CNTLN: variants seen among roughly 807,000 people sequenced by gnomAD.
The protein encoded by CNTLN is centlein, centrosomal protein.
CNTLN carries 212 observed loss-of-function variants against 180.0 expected under a neutral mutation model. The observed-to-expected ratio is 1.18, with a 90% CI of 1.05 to 1.32. The LOEUF is 1.32. Ranked by LOEUF, CNTLN falls within the 40% of genes most tolerant of loss-of-function variation. CNTLN has a pLI of 0.00. For synonymous variants in CNTLN, 722 were observed against 563.1 expected, an observed-to-expected ratio of 1.28 and a Z score of -3.99; for missense variants, 2,095 against 1,610.9, an observed-to-expected ratio of 1.30 and a Z score of -5.14.
At chr9:17,259,403 C>G (rs1327200058) in intron 5 of CNTLN, among the ~76,000 whole-genome samples, 1 of 134,276 alleles carries the variant, frequency 7.4e-6, no homozygotes, top group African/African-American at 3.0e-5. Context: ...ATTTTTGCAT[C>G]AATGTTCATC....
At chr9:17,400,975 G>T (rs551692284) in intron 15 of CNTLN, among the ~76,000 whole-genome samples, 2 of 152,182 alleles carry the variant, frequency 1.3e-5, no homozygotes, top group East Asian at 3.9e-4. Context: ...TTTAATCTTG[G>T]AAATTTTTAT....
chr9:17,294,991 T>G (rs1457972900), intron 6 of CNTLN, among the ~76,000 whole-genome samples: 1 of 150,808 alleles, frequency 6.6e-6, no homozygotes, highest in African/African-American at 2.4e-5. Context: ...GGGAGGCAGC[T>G]AAGGCCCGGT....
intron 16 of CNTLN, among the ~76,000 whole-genome samples, chr9:17,413,642 GGC>G (rs1394492218): frequency 6.6e-6 from 1 of 152,052 alleles, no homozygotes; most frequent in African/African-American, 2.4e-5. Context: ...ATATACGGAT[GGC>G]AAATAAGCAC....
intron 3 of CNTLN, among the ~76,000 whole-genome samples, chr9:17,232,996 A>T (rs1178754797): frequency 2.0e-5 from 2 of 98,622 alleles, no homozygotes; most frequent in Non-Finnish European, 3.9e-5. Context: ...AATAGAACAG[A>T]AAAGTTAAAA....
intron 12 of CNTLN, among the ~76,000 whole-genome samples, chr9:17,357,598 A>G (rs1822953818): frequency 2.9e-5 from 2 of 70,144 alleles, no homozygotes; most frequent in South Asian, 6.8e-4. Flanking sequence ...ATATATAAAT[A>G]CTACATATAT....
chr9:17,333,249 CAT>C (rs1351306853), intron 10 of CNTLN, among the ~76,000 whole-genome samples: 5 of 152,170 alleles, frequency 3.3e-5, no homozygotes, highest in African/African-American at 1.2e-4. Context: ...GTTTAAGAAA[CAT>C]GTATGTTATC....
intron 18 of CNTLN, among the ~76,000 whole-genome samples, chr9:17,417,930 C>T (rs1828394943): frequency 6.6e-6 from 1 of 151,928 alleles, no homozygotes; most frequent in African/African-American, 2.4e-5. Context: ...ACCTCAGTTA[C>T]TGCATGGTTC....
chr9:17,293,547 G>T (rs1459678453), intron 6 of CNTLN, among the ~76,000 whole-genome samples: 1 of 152,226 alleles, frequency 6.6e-6, no homozygotes, highest in Non-Finnish European at 1.5e-5. Context: ...GAGGCAGTCT[G>T]GCCATGATCT....
At chr9:17,261,141 G>T (rs1826941613) in intron 5 of CNTLN, among the ~76,000 whole-genome samples, 1 of 151,408 alleles carries the variant, frequency 6.6e-6, no homozygotes, top group South Asian at 2.1e-4. Context: ...TTTTGCTTAG[G>T]ATTGCTTTGT....
intron 5 of CNTLN, among the ~76,000 whole-genome samples, chr9:17,251,868 C>T (rs1278844950): frequency 6.6e-6 from 1 of 151,742 alleles, no homozygotes; most frequent in Non-Finnish European, 1.5e-5. Flanking sequence ...GTTCCAATAA[C>T]CAACCTTTAT....
At chr9:17,334,063 T>G (rs1222952780) in intron 10 of CNTLN, among the ~76,000 whole-genome samples, 5 of 152,134 alleles carry the variant, frequency 3.3e-5, no homozygotes, top group Non-Finnish European at 7.3e-5. Flanking sequence ...TTGCATAATT[T>G]TTTTTCTTTC....
rs1271103811 is a variant in CNTLN, at chr9:17,289,498, C to G, written c.984-8692C>G. Among the ~76,000 whole-genome samples the G allele has an allele frequency of 1.5e-5, 2 of 137,458 alleles. 1 individual carries two copies. The highest frequency in any genetic ancestry group is 4.2e-4 in the East Asian group (2 of 4,766). The allele number at this position is 137,458 out of a possible 152,430, so 90.2% of individuals were successfully genotyped here. On this transcript the variant is annotated intron_variant, in intron 6 of 25. Coordinates refer to ENST00000380647, the MANE Select transcript of CNTLN (RefSeq NM_017738.4). ...GACAATTATGTGTCTTGGAGTTGCTCTTCTGGAGGAGTGTCTTTGTGGCGT... is the reference window on the plus strand; with the variant it reads ...GACAATTATGTGTCTTGGAGTTGCTGTTCTGGAGGAGTGTCTTTGTGGCGT...
intron 6 of CNTLN, among the ~76,000 whole-genome samples, chr9:17,297,187 A>G (rs1818009789): frequency 6.6e-6 from 1 of 152,180 alleles, no homozygotes; most frequent in South Asian, 2.1e-4. Flanking sequence ...AATACAGTAT[A>G]ACATTATTTG....
At chr9:17,147,510 G>C (rs962129915) in intron 2 of CNTLN, among the ~76,000 whole-genome samples, 3 of 152,114 alleles carry the variant, frequency 2.0e-5, no homozygotes, top group African/African-American at 4.8e-5. Flanking sequence ...CTCTTCTGTA[G>C]ACTTCTATTT....
At chr9:17,325,413 T>C (rs1268648579) in intron 8 of CNTLN, among the ~76,000 whole-genome samples, 2 of 146,464 alleles carry the variant, frequency 1.4e-5, no homozygotes, top group Non-Finnish European at 3.0e-5. Context: ...TGTGTGTGTG[T>C]ATGTATACAC....
rs150572497 is a variant in CNTLN, at chr9:17,402,670, A to G, written c.2616-6623A>G. Among the ~76,000 whole-genome samples the G allele has an allele frequency of 2.0e-5, 3 of 151,854 alleles. 1 individual carries two copies. In the South Asian group the frequency reaches 6.2e-4, roughly 31 times the overall value. Reference sequence around the variant, plus strand: ...ATAAAGAATGGCCTCTGTGAGCAAGAGGGAATTCTCCAGAAAATTGCCTTC... The same window carrying G: ...ATAAAGAATGGCCTCTGTGAGCAAGGGGGAATTCTCCAGAAAATTGCCTTC... On this transcript the variant is annotated intron_variant, in intron 15 of 25. Coordinates refer to ENST00000380647, the MANE Select transcript of CNTLN (RefSeq NM_017738.4).
intron 1 of CNTLN, among the ~76,000 whole-genome samples, chr9:17,142,448 C>G (rs569310342): frequency 1.3e-5 from 2 of 152,066 alleles, no homozygotes; most frequent in South Asian, 2.1e-4. Context: ...GGGTAAGGAA[C>G]CAATAATTTT....
At chr9:17,180,629 C>T (rs148396975) in intron 2 of CNTLN, among the ~76,000 whole-genome samples, 96 of 151,898 alleles carry the variant, frequency 6.3e-4, no homozygotes, top group South Asian at 3.9e-3. Flanking sequence ...TGCCTTTACT[C>T]TTTTCCTTCT....
intron 2 of CNTLN, among the ~76,000 whole-genome samples, chr9:17,203,813 T>A (rs1822726764): frequency 6.6e-6 from 1 of 152,238 alleles, no homozygotes; most frequent in African/African-American, 2.4e-5. Context: ...CGCCTCGGCC[T>A]CCCGAAGTGC....
Sources: gnomAD v4.1 joint callset for allele counts (sites outside exome capture counted in the v4.1 genomes callset) on GRCh38, gnomAD v4.1.1 for gene constraint, MANE v1.5 for transcripts, NCBI Gene and HGNC (gene_info 2026-07-23, HGNC 2026-07-21) for gene names.